The following MTUS2 variants were observed in gnomAD, a reference collection of about 807,000 sequenced individuals.
The protein encoded by MTUS2 is microtubule associated scaffold protein 2.
In MTUS2, 40 loss-of-function variants were observed where a neutral mutation model predicts 114.1. That is an observed-to-expected ratio of 0.35 (90% CI 0.27 to 0.46). The LOEUF (loss-of-function observed/expected upper bound fraction) is 0.46, where lower values mean the gene tolerates loss of function less well. Ranked by LOEUF, MTUS2 falls within the 20% of genes least tolerant of loss-of-function variation. The pLI, the probability that MTUS2 is intolerant of heterozygous loss-of-function variation, is 1.00. For missense variants in MTUS2, 1,679 were observed against 1,705.4 expected (o/e 0.98, Z 0.27); for synonymous variants, 688 against 672.0 (o/e 1.02, Z -0.37).
intron 2 of MTUS2, among the ~76,000 whole-genome samples, chr13:28,898,046 A>T (rs926405038): frequency 2.0e-5 from 3 of 152,162 alleles, no homozygotes; most frequent in African/African-American, 7.2e-5. Context: ...AACTTAAAGT[A>T]TAAAAAAAAA....
chr13:29,129,947 T>C (rs1472247091), intron 5 of MTUS2, among the ~76,000 whole-genome samples: 1 of 152,164 alleles, frequency 6.6e-6, no homozygotes, highest in Non-Finnish European at 1.5e-5. Context: ...CCCCAAGACC[T>C]TTCTCGGTAC....
intron 2 of MTUS2, among the ~76,000 whole-genome samples, chr13:28,946,323 G>A (rs949376580): frequency 2.6e-5 from 4 of 151,824 alleles, no homozygotes; most frequent in South Asian, 2.1e-4. Context: ...ACATACCTGC[G>A]TGCAAGTGTG....
At chr13:29,058,910 A>G (rs988927370) in intron 4 of MTUS2, among the ~76,000 whole-genome samples, 6 of 152,118 alleles carry the variant, frequency 3.9e-5, no homozygotes, top group Admixed American at 1.3e-4. Context: ...CAGCTTTATC[A>G]GTTCACTTTG....
intron 6 of MTUS2, among the ~76,000 whole-genome samples, chr13:29,316,912 G>A (rs913293979): frequency 3.9e-5 from 6 of 152,134 alleles, no homozygotes; most frequent in African/African-American, 1.4e-4. Flanking sequence ...GCTCATACCT[G>A]TGTCTTTCAC....
At chr13:29,387,682 GAC>G (rs1212516869) in intron 8 of MTUS2, among the ~76,000 whole-genome samples, 1 of 152,138 alleles carries the variant, frequency 6.6e-6, no homozygotes, top group Admixed American at 6.5e-5. Flanking sequence ...GACGTTAGGA[GAC>G]ACGTGTGTGG....
chr13:29,106,578 A>G (rs1890678135), intron 5 of MTUS2, among the ~76,000 whole-genome samples: 1 of 151,984 alleles, frequency 6.6e-6, no homozygotes. Flanking sequence ...GCTGGTCTTG[A>G]ACTCCTGACC....
chr13:29,360,178 T>G (rs902565358), intron 8 of MTUS2, among the ~76,000 whole-genome samples: 1 of 152,212 alleles, frequency 6.6e-6, no homozygotes, highest in Non-Finnish European at 1.5e-5. Context: ...CAAGGTGTGC[T>G]TGGGGGAGAA....
chr13:29,497,637 C>G, intron 13 of MTUS2: 1 of 396,794 alleles, frequency 2.5e-6, no homozygotes, highest in East Asian at 4.6e-5. Context: ...CTCCGCTGGC[C>G]TGACCACCCC....
chr13:29,447,653 C>G (rs573383166), intron 9 of MTUS2, among the ~76,000 whole-genome samples: 2 of 147,598 alleles, frequency 1.4e-5, no homozygotes, highest in South Asian at 4.4e-4. Context: ...AGTATCTCAT[C>G]CTCAACTCAC....
At chr13:29,236,289 C>G (rs1593203366) in intron 5 of MTUS2, among the ~76,000 whole-genome samples, 1 of 152,096 alleles carries the variant, frequency 6.6e-6, no homozygotes, top group African/African-American at 2.4e-5. Flanking sequence ...ATATTTTACT[C>G]AATATTGTCT....
chr13:29,467,773 G>A (rs543289655), intron 9 of MTUS2, among the ~76,000 whole-genome samples: 1 of 152,226 alleles, frequency 6.6e-6, no homozygotes, highest in South Asian at 2.1e-4. Flanking sequence ...TCGCACACAG[G>A]ATCAGTCATT....
intron 3 of MTUS2, among the ~76,000 whole-genome samples, chr13:29,033,211 A>G (rs1018577464): frequency 6.6e-6 from 1 of 152,206 alleles, no homozygotes; most frequent in Non-Finnish European, 1.5e-5. Context: ...GTGCCCTAGA[A>G]CTTCCATTCT....
intron 2 of MTUS2, among the ~76,000 whole-genome samples, chr13:28,844,876 C>T (rs1875762872): frequency 1.3e-5 from 2 of 152,172 alleles, no homozygotes; most frequent in South Asian, 4.1e-4. Flanking sequence ...CTTGGCTCCC[C>T]AGAGTGTTGA....
chr13:29,487,562 C>A, intron 10 of MTUS2: 1 of 274,778 alleles, frequency 3.6e-6, no homozygotes, highest in East Asian at 8.6e-5. Context: ...GGACGCTTTT[C>A]TTTTCCTTTG....
intron 9 of MTUS2, among the ~76,000 whole-genome samples, chr13:29,465,014 C>T (rs772950780): frequency 7.9e-5 from 12 of 152,174 alleles, no homozygotes; most frequent in African/African-American, 1.2e-4. Flanking sequence ...CTTGGTTCTG[C>T]GCCCAGATTC....
At chr13:29,230,023 G>C (rs1896262735) in intron 5 of MTUS2, among the ~76,000 whole-genome samples, 1 of 152,160 alleles carries the variant, frequency 6.6e-6, no homozygotes, top group African/African-American at 2.4e-5. Context: ...GAGGCAGGCG[G>C]ATCACGAGGT....
At chr13:29,238,681 T>C (rs1308105089) in intron 5 of MTUS2, among the ~76,000 whole-genome samples, 1 of 152,204 alleles carries the variant, frequency 6.6e-6, no homozygotes, top group Non-Finnish European at 1.5e-5. Flanking sequence ...TAAGGGTGGA[T>C]CTGCCTCTCC....
At chr13:29,304,457 A>T (rs944725269) in intron 6 of MTUS2, among the ~76,000 whole-genome samples, 20 of 152,206 alleles carry the variant, frequency 1.3e-4, no homozygotes, top group African/African-American at 4.6e-4. Flanking sequence ...TACCACACTA[A>T]TGGAAAAAAA....
chr13:29,148,930 C>T (rs919726077), intron 5 of MTUS2, among the ~76,000 whole-genome samples: 1 of 152,106 alleles, frequency 6.6e-6, no homozygotes, highest in Non-Finnish European at 1.5e-5. Context: ...TCTAGTCTGT[C>T]ATTGATAAGC....
Sources: gnomAD v4.1 joint callset for allele counts (sites outside exome capture counted in the v4.1 genomes callset) on GRCh38, gnomAD v4.1.1 for gene constraint, MANE v1.5 for transcripts, NCBI Gene and HGNC (gene_info 2026-07-23, HGNC 2026-07-21) for gene names.